The following HNRNPDL variants were observed in gnomAD, a reference collection of about 807,000 sequenced individuals.
HNRNPDL encodes the protein heterogeneous nuclear ribonucleoprotein D-like.
HNRNPDL carries 18 observed loss-of-function variants against 48.0 expected under a neutral mutation model. That is an observed-to-expected ratio of 0.38 (90% CI 0.26 to 0.56). HNRNPDL has a LOEUF of 0.56. Ranked by LOEUF, HNRNPDL falls within the 20% of genes least tolerant of loss-of-function variation. The pLI is 0.77. For synonymous variants in HNRNPDL, 306 were observed against 207.3 expected (o/e 1.48, Z -4.09); for missense variants, 553 against 540.7 (o/e 1.02, Z -0.23).
intron 1 of HNRNPDL, among the ~76,000 whole-genome samples, chr4:82,428,916 C>G (rs1291645075): frequency 1.3e-5 from 2 of 152,192 alleles, no homozygotes; most frequent in African/African-American, 2.4e-5. Context: ...CGAGTGGTAA[C>G]AGAGACACAA....
chr4:82,424,499 G>A lies in HNRNPDL; in HGVS notation c.*407C>T, dbSNP rs1721334829. 2.0e-5 allele frequency: 3 copies of A among 152,594 alleles called. No individual in the cohort carries two copies. The South Asian group carries it at 6.2e-4, about 32-fold the overall frequency. The allele number at this position is 152,594 out of a possible 1,614,324, so 9.5% of individuals were successfully genotyped here. The stretch of plus-strand genomic sequence containing the variant: ...ATTGGAGAAGAGGGTGACGCTGGCT[G>A]GCTATTTATAAAGGACCACAGTTTC... On this transcript the variant is annotated 3_prime_UTR_variant, in exon 8 of 8. Transcript: ENST00000295470.
intron 7 of HNRNPDL, 193 bp downstream of exon 7, chr4:82,425,844 A>G (rs1721384325): frequency 5.7e-6 from 3 of 528,808 alleles, no homozygotes; most frequent in African/African-American, 1.9e-5. Context: ...CTGCAATACT[A>G]AAGAAAGTGA....
intron 6 of HNRNPDL, 64 bp downstream of exon 6, chr4:82,426,399 G>A: frequency 2.1e-6 from 3 of 1,411,846 alleles, no homozygotes; most frequent in Middle Eastern, 3.6e-4. Flanking sequence ...TTTCAGAACA[G>A]GATTGTATGT....
At chr4:82,427,002 A>T (rs565768133) in intron 5 of HNRNPDL, among the ~76,000 whole-genome samples, 188 bp downstream of exon 5, 1 of 152,344 alleles carries the variant, frequency 6.6e-6, no homozygotes, top group African/African-American at 2.4e-5. Context: ...CCACACTTTT[A>T]ACAGTTTTTT....
intron 5 of HNRNPDL, among the ~76,000 whole-genome samples, 180 bp from the exon 6 acceptor site, chr4:82,426,813 G>C (rs1249825515): frequency 1.3e-5 from 2 of 152,154 alleles, no homozygotes; most frequent in Admixed American, 1.3e-4. Context: ...AAGTCCAATT[G>C]TGCCAGTATC....
Position 82,429,471 on chromosome 4 carries a change from C to T in HNRNPDL, c.220G>A (p.Ala74Thr). The T allele has an allele frequency of 6.3e-7, 1 of 1,576,676 alleles. No individual in the cohort carries two copies. The highest frequency in any genetic ancestry group is 1.1e-5 in the South Asian group (1 of 88,940). Residue 74 changes from alanine (A) to threonine (T), a missense_variant, in exon 1 of 8, where the codon GCT becomes ACT. Physicochemically the swap from Ala to Thr is moderately conservative, Grantham distance 58 (BLOSUM62 0). This residue lies in a region of HNRNPDL where 327 missense variants were observed against 203.2 expected (regional missense o/e 1.61). Coordinates refer to ENST00000295470, the MANE Select transcript of HNRNPDL (RefSeq NM_031372.4). The part of the protein sequence containing the change: ...QQPSRLAGGA[A>T]IKGGRRRRPD... ...CGCCGCCTGCGCCCTCCCTTTATAG[C>T]CGCCCCGCCCGCCAATCGGGAGGGC...
rs572522034 is a variant in HNRNPDL, at chr4:82,422,665, G to T, written c.*2241C>A. 1 of 152,110 alleles carries T rather than the reference G, an allele frequency of 6.6e-6. No homozygotes were observed. Among genetic ancestry groups the T allele is most frequent in the Admixed American group, 6.6e-5 (1 of 15,260 alleles). The allele number at this position is 152,110 out of a possible 1,614,324, so 9.4% of individuals were successfully genotyped here. On this transcript the variant is annotated 3_prime_UTR_variant, in exon 8 of 8. Transcript: ENST00000295470. ...AGAAATTACTAAGGTGTTTTGTTAGGATAACATCACACAGAATTTGGTCTG... is the reference window on the plus strand; with the variant it reads ...AGAAATTACTAAGGTGTTTTGTTAGTATAACATCACACAGAATTTGGTCTG...
chr4:82,426,361 C>T, intron 6 of HNRNPDL, 102 bp downstream of exon 6: 1 of 1,085,840 alleles, frequency 9.2e-7, no homozygotes, highest in Non-Finnish European at 1.4e-6. Context: ...TAACTCCGAA[C>T]ACTTTAATGG....
At chr4:82,427,370 C>T (rs564509729) in intron 4 of HNRNPDL, 63 bp downstream of exon 4, 2 of 1,525,774 alleles carry the variant, frequency 1.3e-6, no homozygotes, top group Admixed American at 2.2e-5. Context: ...TTTTATTTTT[C>T]TCCACATCAA....
chr4:82,427,330 A>T, intron 4 of HNRNPDL, 26 bp from the exon 5 acceptor site: 3 of 1,544,778 alleles, frequency 1.9e-6, no homozygotes, highest in Middle Eastern at 1.7e-4. Flanking sequence ...ATGAAAGTAT[A>T]ATTTTTACCG....
Position 82,429,753 on chromosome 4 carries a change from G to T in HNRNPDL, c.-63C>A, listed in dbSNP as rs1578087528. The T allele has an allele frequency of 8.1e-7, 1 of 1,239,494 alleles. No homozygotes were observed. The highest frequency in any genetic ancestry group is 3.1e-5 in the East Asian group (1 of 31,974). 76.8% of individuals were successfully genotyped at this position (1,239,494 alleles called of 1,614,324 possible). A position where few individuals can be genotyped will look rare whatever the true frequency, so the allele number is the denominator to read the frequency against. ...GGGACGCGGGCTTGGGAGAAGAGAA[G>T]AATCAGAAGAGAAAAACGAAGGGGC... is the stretch of plus-strand genomic sequence containing the variant. On this transcript the variant is annotated 5_prime_UTR_variant, in exon 1 of 8. Coordinates refer to ENST00000295470, the MANE Select transcript of HNRNPDL (RefSeq NM_031372.4).
In HNRNPDL at chr4:82,429,964, A is replaced by C. The variant is rs1721650196; in HGVS notation, c.-274T>G. On this transcript the variant is annotated 5_prime_UTR_variant, in exon 1 of 8. Transcript: ENST00000295470. ...GCGGCGGCCGCTGCTACCGACTAGC[A>C]CCGCGGCCAGTCTGCTCCGGAAAAA... The C allele has an allele frequency of 3.8e-6, 1 of 265,106 alleles. No homozygotes were observed. Among genetic ancestry groups the C allele is most frequent in the African/African-American group, 2.2e-5 (1 of 44,820 alleles). The allele number at this position is 265,106 out of a possible 1,614,324, so 16.4% of individuals were successfully genotyped here.
At chr4:82,426,690 A>T (rs1019986577) in intron 5 of HNRNPDL, 57 bp from the exon 6 acceptor site, 1 of 1,375,304 alleles carries the variant, frequency 7.3e-7, no homozygotes. Flanking sequence ...ATTCTAACAT[A>T]AAATGATGCG....
Position 82,429,926 on chromosome 4 carries a change from G to C in HNRNPDL, c.-236C>G. The C allele has an allele frequency of 2.7e-6, 1 of 366,672 alleles. No individual in the cohort carries two copies. The highest frequency in any genetic ancestry group is 4.9e-6 in the Non-Finnish European group (1 of 206,010). The allele number at this position is 366,672 out of a possible 1,614,324, so 22.7% of individuals were successfully genotyped here. The stretch of plus-strand genomic sequence containing the variant: ...GCCTTTTTCTGCCCTCGGTTCGCCA[G>C]TGCGGAGCCGCTGCGGCGGCCGCTG... On this transcript the variant is annotated 5_prime_UTR_variant, in exon 1 of 8. Transcript: ENST00000295470.
At position 82,429,539 on chromosome 4, in the gene HNRNPDL, C is replaced by G; in HGVS notation, c.152G>C (p.Arg51Pro). 6 of 1,477,158 alleles carry G rather than the reference C, an allele frequency of 4.1e-6. No homozygotes were observed. The highest frequency in any genetic ancestry group is 5.4e-6 in the Non-Finnish European group (6 of 1,117,326). The allele number at this position is 1,477,158 out of a possible 1,614,324, so 91.5% of individuals were successfully genotyped here. A position where few individuals can be genotyped will look rare whatever the true frequency, so the allele number is the denominator to read the frequency against. Residue 51 changes from arginine (R) to proline (P), a missense_variant, in exon 1 of 8, where the codon CGG becomes CCG. Coordinates refer to ENST00000295470, the MANE Select transcript of HNRNPDL (RefSeq NM_031372.4). ...GCGCTGGGCCCGGCGCGCCCCCTGC[C>G]GGGCGGAGCTGGGAGCGAGCGAAGG... Reference protein sequence around the residue: ...LLPSLAPSSARQGARRAQRHV... With the variant: ...LLPSLAPSSAPQGARRAQRHV...
chr4:82,426,144 C>T lies in HNRNPDL; in HGVS notation c.1193-15G>A. The T allele has an allele frequency of 6.3e-7, 1 of 1,592,164 alleles. No individual in the cohort carries two copies. Among genetic ancestry groups the T allele is most frequent in the Non-Finnish European group, 8.6e-7 (1 of 1,166,720 alleles). ...GCTCTGTTGGCCTATTTTGAAAACA[C>T]AGAATTCTCATTAAGATAGTTTTCT... is the stretch of plus-strand genomic sequence containing the variant. On this transcript the variant is annotated splice_polypyrimidine_tract_variant and intron_variant, in intron 6 of 7. Transcript: ENST00000295470.
In HNRNPDL at chr4:82,429,500, T is replaced by C. The variant is rs1480719617; in HGVS notation, c.191A>G (p.Gln64Arg). 11 of 1,547,540 alleles carry C rather than the reference T, an allele frequency of 7.1e-6. No individual in the cohort carries two copies. Among genetic ancestry groups the C allele is most frequent in the South Asian group, 1.2e-5 (1 of 85,852 alleles). Residue 64 changes from glutamine to arginine, a missense_variant, in exon 1 of 8, where the codon CAG becomes CGG. Around this residue, in one of 4 missense-constraint regions of HNRNPDL, gnomAD observed 327 missense variants for 203.2 expected, o/e 1.61. Transcript: ENST00000295470. Reference protein sequence around the residue: ...ARRAQRHVTAQQPSRLAGGAA... With the variant: ...ARRAQRHVTARQPSRLAGGAA... ...CCCGCCCGCCAATCGGGAGGGCTGC[T>C]GGGCGGTGACGTGGCGCTGGGCCCG...
Position 82,429,738 on chromosome 4 carries a change from C to A in HNRNPDL, c.-48G>T. ...GAGGCCACGCGTGAGGGGACGCGGG[C>A]TTGGGAGAAGAGAAGAATCAGAAGA... On this transcript the variant is annotated 5_prime_UTR_variant, in exon 1 of 8. Transcript: ENST00000295470. 4 of 1,283,212 alleles carry A rather than the reference C, an allele frequency of 3.1e-6. No individual in the cohort carries two copies. Among genetic ancestry groups the A allele is most frequent in the Non-Finnish European group, 4.0e-6 (4 of 1,003,512 alleles). The allele number at this position is 1,283,212 out of a possible 1,614,324, so 79.5% of individuals were successfully genotyped here. A position where few individuals can be genotyped will look rare whatever the true frequency, so the allele number is the denominator to read the frequency against.
In HNRNPDL at chr4:82,428,466, T is replaced by TA. The variant is rs748599917; in HGVS notation, c.444-21dup. ...ATTTTACTAGAAATAAAAGTGTTTT[T>TA]AAAAAAAATTAACAATAACTCAAAT... is the stretch of plus-strand genomic sequence containing the variant. On this transcript the variant is annotated intron_variant, in intron 1 of 7. Transcript: ENST00000295470. 19 of 1,548,716 alleles carry TA rather than the reference T, an allele frequency of 1.2e-5. No homozygotes were observed. Among genetic ancestry groups the TA allele is most frequent in the East Asian group, 2.3e-5 (1 of 43,972 alleles).
Sources: gnomAD v4.1 joint callset for allele counts (sites outside exome capture counted in the v4.1 genomes callset) on GRCh38, gnomAD v4.1.1 for gene constraint, gnomAD v4.1.1 regional missense constraint, MANE v1.5 for transcripts, NCBI Gene and HGNC (gene_info 2026-07-23, HGNC 2026-07-21) for gene names.